The following CELF2 variants were observed in gnomAD, a reference collection of about 807,000 sequenced individuals.
CELF2 encodes the protein CUGBP Elav-like family member 2.
CELF2 carries 8 observed loss-of-function variants against 62.6 expected under a neutral mutation model. That is an observed-to-expected ratio of 0.13 (90% CI 0.07 to 0.23). The LOEUF (loss-of-function observed/expected upper bound fraction) is 0.23. Among genes scored for constraint, CELF2 ranks in the 10% least tolerant of loss-of-function variants. The pLI is 1.00. For synonymous variants in CELF2, 258 were observed against 250.0 expected, an observed-to-expected ratio of 1.03 and a Z score of -0.30; for missense variants, 333 against 671.0, an observed-to-expected ratio of 0.50 and a Z score of 5.56.
rs2063055470 is a variant in CELF2, at chr10:10,902,994, G to A, written c.54-16970G>A. Among the ~76,000 whole-genome samples, 5 of 151,714 alleles carry A rather than the reference G, an allele frequency of 3.3e-5. No homozygotes were observed. In the South Asian group the frequency reaches 8.3e-4, roughly 25 times the overall value. On this transcript the variant is annotated intron_variant, in intron 1 of 13. Coordinates refer to the CELF2 transcript ENST00000636488. ...AGAAGAAGGGAGGAAGAAAGGAGAGGAAAGACAGGAAGAAAGAAAGGAGAG... is the reference window on the plus strand; with the variant it reads ...AGAAGAAGGGAGGAAGAAAGGAGAGAAAAGACAGGAAGAAAGAAAGGAGAG...
chr10:11,288,521 G>T lies in CELF2; in HGVS notation c.945G>T (p.Thr315=). The stretch of plus-strand genomic sequence containing the variant: ...CCAATGCAAACCCTCTCTCTACCAC[G>T]AGCAGCGCCCTGGGAGCCCTCACGA... The part of the protein sequence containing the change: ...TSTNANPLST[T]SSALGALTSP... The change falls in exon 9 of 13, where the codon ACG becomes ACT. Residue 315 remains threonine (T), a synonymous_variant. Coordinates refer to ENST00000633077, the MANE Select transcript of CELF2 (RefSeq NM_001326342.2). 6.2e-7 allele frequency: 1 copy of T among 1,613,904 alleles called. No individual in the cohort carries two copies.
the CELF2 span, among the ~76,000 whole-genome samples, chr10:10,637,715 A>G: frequency 1.3e-5 from 2 of 152,196 alleles, no homozygotes; most frequent in Admixed American, 1.3e-4. Flanking sequence ...TCAATGTGAC[A>G]CGGAGTCGCA....
intron 12 of CELF2, among the ~76,000 whole-genome samples, chr10:11,326,256 G>A (rs2132575765): frequency 6.6e-6 from 1 of 152,296 alleles, no homozygotes; most frequent in East Asian, 1.9e-4. Flanking sequence ...AGCCCTCCAG[G>A]TTTAGTACAA....
chr10:10,560,019 C>A, the CELF2 span, among the ~76,000 whole-genome samples: 2 of 152,276 alleles, frequency 1.3e-5, no homozygotes, highest in Non-Finnish European at 2.9e-5. Context: ...GCTTACCAAC[C>A]AATTAGTCTC....
At chr10:11,323,240 T>G (rs896951214) in intron 11 of CELF2, among the ~76,000 whole-genome samples, 1 of 152,012 alleles carries the variant, frequency 6.6e-6, no homozygotes, top group African/African-American at 2.4e-5. Context: ...AGTGCGGGTT[T>G]TCAGTAGCAT....
At chr10:10,707,118 T>C in the CELF2 span, among the ~76,000 whole-genome samples, 2 of 152,182 alleles carry the variant, frequency 1.3e-5, no homozygotes, top group African/African-American at 2.4e-5. Context: ...CTTCAATGTA[T>C]CAATCTGGCT....
Position 10,906,147 on chromosome 10 carries a change from C to G in CELF2, c.54-13817C>G, listed in dbSNP as rs150084864. Among the ~76,000 whole-genome samples the G allele has an allele frequency of 4.8e-3, 672 of 140,396 alleles. 5 individuals are homozygous for G. The highest frequency in any genetic ancestry group is 7.2e-3 in the Non-Finnish European group (476 of 65,878). 92.1% of individuals were successfully genotyped at this position (140,396 alleles called of 152,430 possible). On this transcript the variant is annotated intron_variant, in intron 1 of 13. Coordinates refer to the CELF2 transcript ENST00000636488. ...AGATGATCTGTCCCAACTCCTCATT[C>G]CCAACATGCATAGGCTGTCTAACTA...
At chr10:10,741,139 C>G in the CELF2 span, among the ~76,000 whole-genome samples, 1 of 152,090 alleles carries the variant, frequency 6.6e-6, no homozygotes, top group Non-Finnish European at 1.5e-5. Flanking sequence ...ATTTGTTTAC[C>G]TGTAGGAACA....
At chr10:10,904,250 A>G (rs1185768500) in intron 1 of CELF2, among the ~76,000 whole-genome samples, 1 of 137,452 alleles carries the variant, frequency 7.3e-6, no homozygotes, top group Non-Finnish European at 1.5e-5. Flanking sequence ...GTTTAGAGAC[A>G]GGGTCTCCTT....
intron 2 of CELF2, among the ~76,000 whole-genome samples, chr10:10,969,694 T>A (rs1372097790): frequency 1.3e-5 from 2 of 152,120 alleles, no homozygotes; most frequent in African/African-American, 2.4e-5. Flanking sequence ...TCAGAATACA[T>A]ATCAAATATA....
chr10:10,654,049 C>G, the CELF2 span, among the ~76,000 whole-genome samples: 1 of 149,678 alleles, frequency 6.7e-6, no homozygotes, highest in East Asian at 1.9e-4. Context: ...ACCACTGATC[C>G]CACAGAAATA....
the CELF2 span, among the ~76,000 whole-genome samples, chr10:10,654,486 C>T: frequency 6.3e-5 from 7 of 111,596 alleles, no homozygotes; most frequent in East Asian, 1.3e-3. Flanking sequence ...ACTGGCAAAA[C>T]GAATCCAGCA....
At chr10:10,903,893 G>A (rs1001940137) in intron 1 of CELF2, among the ~76,000 whole-genome samples, 1 of 152,224 alleles carries the variant, frequency 6.6e-6, no homozygotes, top group South Asian at 2.1e-4. Flanking sequence ...GGTCATGCAT[G>A]CCTGCATAGC....
chr10:10,530,788 T>C, the CELF2 span, among the ~76,000 whole-genome samples: 101,085 of 152,132 alleles, frequency 0.66, 33,850 homozygotes, highest in East Asian at 0.86. Flanking sequence ...GGCCAATATG[T>C]CATGCTCTTC....
rs528757091 is a variant in CELF2, at chr10:11,038,126, A to T, written c.74+19963A>T. 2.0e-5 allele frequency among the ~76,000 whole-genome samples: 3 copies of T among 152,368 alleles called. No homozygotes were observed. The South Asian group carries it at 6.2e-4, about 32-fold the overall frequency. On this transcript the variant is annotated intron_variant, in intron 1 of 12. Transcript: ENST00000633077. Reference sequence around the variant, plus strand: ...CAGAGGAGCTGAAGCTCGCATGAGAAATGCTTTGTGTCCCACTGTTCCCTG... The same window carrying T: ...CAGAGGAGCTGAAGCTCGCATGAGATATGCTTTGTGTCCCACTGTTCCCTG...
chr10:11,281,071 C>A (rs2139211173), intron 8 of CELF2, among the ~76,000 whole-genome samples: 1 of 151,818 alleles, frequency 6.6e-6, no homozygotes, highest in South Asian at 2.1e-4. Context: ...TCCGTGTCCT[C>A]ACTCCTCAGC....
chr10:10,535,372 G>A, the CELF2 span, among the ~76,000 whole-genome samples: 1 of 152,194 alleles, frequency 6.6e-6, no homozygotes, highest in Non-Finnish European at 1.5e-5. Flanking sequence ...CAGTTCAGCA[G>A]AGAACTGAAA....
intron 2 of CELF2, among the ~76,000 whole-genome samples, chr10:10,964,474 C>T (rs1237817472): frequency 1.3e-5 from 2 of 152,142 alleles, no homozygotes; most frequent in Admixed American, 1.3e-4. Flanking sequence ...GAATTAATGA[C>T]CACCAAAAGT....
At chr10:10,974,365 T>G (rs2051099620) in intron 2 of CELF2, among the ~76,000 whole-genome samples, 1 of 152,198 alleles carries the variant, frequency 6.6e-6, no homozygotes, top group African/African-American at 2.4e-5. Context: ...TAATTTTCTC[T>G]CTAACTGTAG....
Sources: allele counts gnomAD v4.1 joint callset (sites outside exome capture counted in the v4.1 genomes callset), GRCh38; gene constraint gnomAD v4.1.1; transcripts MANE v1.5; gene names NCBI Gene and HGNC (gene_info 2026-07-23, HGNC 2026-07-21).